Variants in SIM2 observed in about 807,000 individuals in gnomAD.
The protein encoded by SIM2 is SIM bHLH transcription factor 2.
Under a neutral mutation model 64.8 loss-of-function variants are expected in SIM2, and 28 were observed. That is an observed-to-expected ratio of 0.43 (90% CI 0.32 to 0.59). The LOEUF (loss-of-function observed/expected upper bound fraction) is 0.59. Among genes scored for constraint, SIM2 ranks in the 20% least tolerant of loss-of-function variants. The probability of loss-of-function intolerance (pLI) is 0.07; values close to 1 mark genes in which losing one functional copy is unlikely to be tolerated. For synonymous variants in SIM2, 408 were observed against 391.1 expected (o/e 1.04, Z -0.51); for missense variants, 847 against 871.4 (o/e 0.97, Z 0.35).
chr21:36,704,400 C>G (rs1035103620), intron 1 of SIM2, among the ~76,000 whole-genome samples: 1 of 152,252 alleles, frequency 6.6e-6, no homozygotes, highest in African/African-American at 2.4e-5. Flanking sequence ...TTTTTTACAA[C>G]GCTTTCCCCG....
intron 1 of SIM2, among the ~76,000 whole-genome samples, chr21:36,705,247 TG>T (rs2088563635): frequency 6.6e-6 from 1 of 152,210 alleles, no homozygotes. Context: ...TGTGCTTGCG[TG>T]GAGCAGGGAG....
chr21:36,723,197 C>T, intron 5 of SIM2, 67 bp downstream of exon 5: 9 of 1,345,338 alleles, frequency 6.7e-6, no homozygotes, highest in Non-Finnish European at 9.6e-6. Flanking sequence ...TCAAGAGCGT[C>T]TGCAGAAAGG....
At position 36,702,299 on chromosome 21, in the gene SIM2, G is replaced by A. The variant is rs533410705; in HGVS notation, c.175+2378G>A. Among the ~76,000 whole-genome samples, 8 of 152,222 alleles carry A rather than the reference G, an allele frequency of 5.3e-5. 1 individual carries two copies. Among genetic ancestry groups the A allele is most frequent in the Admixed American group, 5.2e-4 (8 of 15,282 alleles). On this transcript the variant is annotated intron_variant, in intron 1 of 10. Coordinates refer to ENST00000290399, the MANE Select transcript of SIM2 (RefSeq NM_005069.6). Reference sequence around the variant, plus strand: ...TTTGGAGGGGGTGACCCTGGAAGTTGGCACTCTGGAAGGGAGCTGTTTGGC... The same window carrying A: ...TTTGGAGGGGGTGACCCTGGAAGTTAGCACTCTGGAAGGGAGCTGTTTGGC...
In SIM2 at chr21:36,747,730, C is replaced by T. The variant is rs1568944105; in HGVS notation, c.1642C>T (p.His548Tyr). The T allele has an allele frequency of 7.9e-7, 1 of 1,259,594 alleles. No homozygotes were observed. Among genetic ancestry groups the T allele is most frequent in the Non-Finnish European group, 1.0e-6 (1 of 1,000,132 alleles). The allele number at this position is 1,259,594 out of a possible 1,614,324, so 78.0% of individuals were successfully genotyped here. A position where few individuals can be genotyped will look rare whatever the true frequency, so the allele number is the denominator to read the frequency against. ...GCCCCCGAGCTTCCCGAGCTGCGGCCACTACCGCGAGGAGCCCGCGCTGGG... is the reference window on the plus strand; with the variant it reads ...GCCCCCGAGCTTCCCGAGCTGCGGCTACTACCGCGAGGAGCCCGCGCTGGG... Reference protein sequence around the residue: ...TAPPSFPSCGHYREEPALGPA... With the variant: ...TAPPSFPSCGYYREEPALGPA... Residue 548 changes from histidine to tyrosine, a missense_variant, in exon 11 of 11, where the codon CAC becomes TAC. By Grantham distance (83) the His-to-Tyr change is moderately conservative (BLOSUM62 2). This residue lies in a region of SIM2 where 447 missense variants were observed against 414.6 expected (regional missense o/e 1.08). Transcript: ENST00000290399. This position sits in a 1 kb window ranked among gnomAD's most constrained non-coding sequence, Gnocchi z 4.5.
In SIM2 at chr21:36,743,529, C is replaced by A; in HGVS notation, c.1141C>A (p.Leu381Met). The A allele has an allele frequency of 6.2e-7, 1 of 1,614,010 alleles. No individual in the cohort carries two copies. ...KPKNTKMKTKLRTNPYPPQQY... is the reference protein window; with the variant it reads ...KPKNTKMKTKMRTNPYPPQQY... ...CAAAAATACCAAGATGAAGACAAAG[C>A]TGAGAACAAACCCTTACCCCCCACA... Residue 381 changes from leucine (L) to methionine (M), a missense_variant, in exon 9 of 11, where the codon CTG becomes ATG. Physicochemically the swap from Leu to Met is conservative, Grantham distance 15. Around this residue, in one of 3 missense-constraint regions of SIM2, gnomAD observed 447 missense variants for 414.6 expected, o/e 1.08. Transcript: ENST00000290399.
intron 1 of SIM2, among the ~76,000 whole-genome samples, chr21:36,707,048 C>T (rs2088594175): frequency 1.3e-5 from 2 of 152,162 alleles, no homozygotes; most frequent in African/African-American, 4.8e-5. Context: ...GATTTCTCCC[C>T]AAGTCTTCCC....
chr21:36,738,923 T>A (rs1470066476), intron 7 of SIM2, among the ~76,000 whole-genome samples: 3 of 152,206 alleles, frequency 2.0e-5, no homozygotes, highest in African/African-American at 4.8e-5. Context: ...GAGACCCCTC[T>A]CCAGCCGGTG....
chr21:36,719,342 C>T (rs13050963), intron 3 of SIM2, among the ~76,000 whole-genome samples: 10,912 of 152,342 alleles, frequency 0.072, 517 homozygotes, highest in Non-Finnish European at 0.1. Context: ...CTGCCGTGGA[C>T]GGCTGGTCGG....
At chr21:36,715,232 C>T (rs545993401) in intron 3 of SIM2, among the ~76,000 whole-genome samples, 3 of 152,218 alleles carry the variant, frequency 2.0e-5, no homozygotes, top group East Asian at 3.9e-4. Context: ...AAATCTTCCC[C>T]CTGTTCATGA....
In SIM2 at chr21:36,740,057, A is replaced by AAG. The variant is rs151240705; in HGVS notation, c.851-1656_851-1655dup. On this transcript the variant is annotated intron_variant, in intron 7 of 10. Coordinates refer to ENST00000290399, the MANE Select transcript of SIM2 (RefSeq NM_005069.6). ...AAAGAAAGAAAGAAAGAAAGAAAGA[A>AAG]AGAGAAAATGCCACTCACCATAGAT... Among the ~76,000 whole-genome samples, 134 of 134,826 alleles carry AAG rather than the reference A, an allele frequency of 9.9e-4. 1 individual carries two copies. The East Asian group carries it at 0.019, about 19-fold the overall frequency. The allele number at this position is 134,826 out of a possible 152,430, so 88.5% of individuals were successfully genotyped here. A position where few individuals can be genotyped will look rare whatever the true frequency, so the allele number is the denominator to read the frequency against.
Position 36,699,627 on chromosome 21 carries a change from C to A in SIM2, c.-120C>A. The A allele has an allele frequency of 8.7e-7, 1 of 1,143,342 alleles. No homozygotes were observed. The highest frequency in any genetic ancestry group is 1.2e-6 in the Non-Finnish European group (1 of 842,386). 70.8% of individuals were successfully genotyped at this position (1,143,342 alleles called of 1,614,324 possible). A position where few individuals can be genotyped will look rare whatever the true frequency, so the allele number is the denominator to read the frequency against. On this transcript the variant is annotated 5_prime_UTR_variant, in exon 1 of 11. Coordinates refer to ENST00000290399, the MANE Select transcript of SIM2 (RefSeq NM_005069.6). This position sits in a 1 kb window ranked among gnomAD's most constrained non-coding sequence, Gnocchi z 5.6. Reference sequence around the variant, plus strand: ...GAGGCCCCCCGCACCTGCCCGCGGCCCACTCCGCGGACTCACCTGGCTCCC... The same window carrying A: ...GAGGCCCCCCGCACCTGCCCGCGGCACACTCCGCGGACTCACCTGGCTCCC...
chr21:36,738,607 C>G (rs2089108143), intron 7 of SIM2, among the ~76,000 whole-genome samples: 1 of 152,234 alleles, frequency 6.6e-6, no homozygotes, highest in Non-Finnish European at 1.5e-5. Flanking sequence ...ACAGCTGCCA[C>G]TTTGAGGACA....
chr21:36,729,070 G>A (rs977981464), intron 6 of SIM2, among the ~76,000 whole-genome samples: 15 of 152,146 alleles, frequency 9.9e-5, no homozygotes, highest in Non-Finnish European at 2.1e-4. Context: ...AGGGCACCTT[G>A]CCAAACCCCT....
intron 5 of SIM2, among the ~76,000 whole-genome samples, chr21:36,725,637 T>C (rs1243399207): frequency 6.6e-6 from 1 of 152,182 alleles, no homozygotes; most frequent in Admixed American, 6.5e-5. Flanking sequence ...TATTTTTTGT[T>C]GTCTTGTGAG....
chr21:36,722,760 G>A (rs1025049055), intron 4 of SIM2, among the ~76,000 whole-genome samples: 2 of 152,180 alleles, frequency 1.3e-5, no homozygotes, highest in Non-Finnish European at 1.5e-5. Flanking sequence ...CCCCAGGAGC[G>A]GGCGACGGCA....
At chr21:36,712,067 GTA>G (rs1266044266) in intron 2 of SIM2, among the ~76,000 whole-genome samples, 1 of 152,120 alleles carries the variant, frequency 6.6e-6, no homozygotes, top group Non-Finnish European at 1.5e-5. Context: ...TATTCCAACG[GTA>G]CTTAGAGGTA....
intron 4 of SIM2, among the ~76,000 whole-genome samples, chr21:36,722,493 C>T (rs567456308): frequency 6.6e-6 from 1 of 152,212 alleles, no homozygotes; most frequent in Non-Finnish European, 1.5e-5. Context: ...GGTGTCCCTT[C>T]CTGAAACAGA....
rs1465597962 is a variant in SIM2 at position 36,748,303 on chromosome 21, G to GC, written c.*213dup. On this transcript the variant is annotated 3_prime_UTR_variant, in exon 11 of 11. Coordinates refer to ENST00000290399, the MANE Select transcript of SIM2 (RefSeq NM_005069.6). ...CCCGGGTCCGGGCAGGTGACCGCCCGCCTCTGTCCTGCGAGGGCCGGTGCG... is the reference window on the plus strand; with the variant it reads ...CCCGGGTCCGGGCAGGTGACCGCCCGCCCTCTGTCCTGCGAGGGCCGGTGCG... The GC allele has an allele frequency of 4.4e-6, 1 of 226,678 alleles. No individual in the cohort carries two copies. The highest frequency in any genetic ancestry group is 8.5e-6 in the Non-Finnish European group (1 of 117,294). The allele number at this position is 226,678 out of a possible 1,614,324, so 14.0% of individuals were successfully genotyped here.
chr21:36,704,926 C>T (rs2088558126), intron 1 of SIM2, among the ~76,000 whole-genome samples: 1 of 152,228 alleles, frequency 6.6e-6, no homozygotes, highest in Non-Finnish European at 1.5e-5. Flanking sequence ...ACGAGGGCTC[C>T]GACGCGGGAG....
Sources: allele counts gnomAD v4.1 joint callset (sites outside exome capture counted in the v4.1 genomes callset), GRCh38; gene constraint gnomAD v4.1.1; regional missense constraint gnomAD v4.1.1; non-coding constraint Gnocchi (gnomAD v3.1); transcripts MANE v1.5; gene names NCBI Gene and HGNC (gene_info 2026-07-23, HGNC 2026-07-21).